The following HACL1 variants were observed in gnomAD, a reference collection of about 807,000 sequenced individuals.
The protein encoded by HACL1 is 1600020H07Rik.
A neutral mutation model predicts 74.2 loss-of-function variants in HACL1; 64 were observed. The observed-to-expected ratio is 0.86, with a 90% CI of 0.70 to 1.06. The LOEUF (loss-of-function observed/expected upper bound fraction) is 1.06. HACL1 is among the 50% of genes least tolerant of loss of function. HACL1 has a pLI of 0.00. For synonymous variants in HACL1, 230 were observed against 238.8 expected, an observed-to-expected ratio of 0.96 and a Z score of 0.34; for missense variants, 728 against 719.7, an observed-to-expected ratio of 1.01 and a Z score of -0.13.
At chr3:15,587,927 CTT>C (rs911694911) in intron 5 of HACL1, among the ~76,000 whole-genome samples, 3 of 152,264 alleles carry the variant, frequency 2.0e-5, no homozygotes, top group African/African-American at 7.2e-5. Context: ...GAGTTTCACT[CTT>C]GTCACCCAGA....
intron 16 of HACL1, 74 bp downstream of exon 16, chr3:15,563,282 GTT>G: frequency 1.0e-6 from 1 of 968,974 alleles, no homozygotes; most frequent in South Asian, 1.5e-5. Flanking sequence ...AGGGTGTTCT[GTT>G]TGGTAGATAC....
chr3:15,562,965 C>G (rs1197719183), intron 16 of HACL1, among the ~76,000 whole-genome samples: 1 of 145,210 alleles, frequency 6.9e-6, no homozygotes, highest in Non-Finnish European at 1.5e-5. Flanking sequence ...TAAGAATCAC[C>G]TCCTCTGAGA....
intron 4 of HACL1, among the ~76,000 whole-genome samples, chr3:15,591,368 T>C (rs1402357402): frequency 6.6e-6 from 1 of 152,130 alleles, no homozygotes; most frequent in African/African-American, 2.4e-5. Context: ...GTACATTAGA[T>C]CTCCAGGCTT....
chr3:15,589,816 C>T (rs1009221555), intron 4 of HACL1, among the ~76,000 whole-genome samples: 5 of 152,138 alleles, frequency 3.3e-5, no homozygotes, highest in Admixed American at 1.3e-4. Context: ...GGGTGGATCA[C>T]TTGAAATCAG....
Position 15,596,465 on chromosome 3 carries a change from C to T in HACL1, c.187-41G>A, listed in dbSNP as rs781240581. 1.3e-5 allele frequency: 17 copies of T among 1,287,930 alleles called. 1 individual carries two copies. The South Asian group carries it at 2.0e-4, about 15-fold the overall frequency. 79.8% of individuals were successfully genotyped at this position (1,287,930 alleles called of 1,614,324 possible). A position where few individuals can be genotyped will look rare whatever the true frequency, so the allele number is the denominator to read the frequency against. On this transcript the variant is annotated intron_variant, in intron 2 of 16. Coordinates refer to ENST00000321169, the MANE Select transcript of HACL1 (RefSeq NM_012260.4). ...ACTGGGACTTGAGCATATTGGGATC[C>T]TTATAGTACATTTATGACAGCAACT...
chr3:15,567,992 C>A lies in HACL1; in HGVS notation c.1261G>T (p.Gly421Cys). 6.2e-7 allele frequency: 1 copy of A among 1,614,126 alleles called. No homozygotes were observed. The highest frequency in any genetic ancestry group is 8.5e-7 in the Non-Finnish European group (1 of 1,179,962). Reference protein sequence around the residue: ...NYLPRHRLDAGTFGTMGVGLG... With the variant: ...NYLPRHRLDACTFGTMGVGLG... Reference sequence around the variant, plus strand: ...CCAACTCCCATTGTTCCGAAAGTACCAGCATCAAGCCTGTTGGAGAACAAA... The same window carrying A: ...CCAACTCCCATTGTTCCGAAAGTACAAGCATCAAGCCTGTTGGAGAACAAA... Residue 421 changes from glycine (G) to cysteine (C), a missense_variant, in exon 14 of 17, where the codon GGT becomes TGT. Coordinates refer to ENST00000321169, the MANE Select transcript of HACL1 (RefSeq NM_012260.4).
At chr3:15,600,845 ATACG>A in intron 2 of HACL1, 1 of 581,632 alleles carries the variant, frequency 1.7e-6, no homozygotes, top group Admixed American at 2.9e-5. Context: ...CAGACCCAGA[ATACG>A]TGGGTTCAAA....
intron 9 of HACL1, among the ~76,000 whole-genome samples, chr3:15,577,854 T>C (rs1401696922): frequency 6.6e-6 from 1 of 151,146 alleles, no homozygotes; most frequent in African/African-American, 2.4e-5. Context: ...ATCCCAGCAC[T>C]TTGGGAGGCT....
chr3:15,572,716 A>G (rs559498917), intron 11 of HACL1, among the ~76,000 whole-genome samples: 1 of 152,352 alleles, frequency 6.6e-6, no homozygotes, highest in African/African-American at 2.4e-5. Flanking sequence ...AATAATAACA[A>G]CCTGTGGAAA....
At position 15,589,388 on chromosome 3, in the gene HACL1, T is replaced by G. The variant is rs143354614; in HGVS notation, c.381+152A>C. The stretch of plus-strand genomic sequence containing the variant: ...GGTGTGAACCTGTAGTCCCAGCTGC[T>G]TGGGAGGCTGAGGTGGGAAGATTGC... On this transcript the variant is annotated intron_variant, in intron 5 of 16. Coordinates refer to ENST00000321169, the MANE Select transcript of HACL1 (RefSeq NM_012260.4). 1.3e-3 allele frequency: 688 copies of G among 529,840 alleles called. 5 individuals are homozygous for G. Among genetic ancestry groups the G allele is most frequent in the African/African-American group, 0.011 (593 of 51,860 alleles). 32.8% of individuals were successfully genotyped at this position (529,840 alleles called of 1,614,324 possible).
intron 6 of HACL1, among the ~76,000 whole-genome samples, chr3:15,585,924 G>C (rs2063786968): frequency 2.0e-5 from 3 of 152,118 alleles, no homozygotes; most frequent in Non-Finnish European, 4.4e-5. Flanking sequence ...TCAAAATGCA[G>C]GTGTCTAAAC....
rs767154469 is a variant in HACL1 at position 15,601,236 on chromosome 3, C to T, written c.82-42G>A. 3.2e-6 allele frequency: 5 copies of T among 1,547,606 alleles called. No homozygotes were observed. The East Asian group carries it at 1.1e-4, about 35-fold the overall frequency. ...AGGGGAGTAAACTCCCAAGGCCCCA[C>T]CATATCGCCACATCCTTCCCTCCCT... On this transcript the variant is annotated intron_variant, in intron 1 of 16. Coordinates refer to ENST00000321169, the MANE Select transcript of HACL1 (RefSeq NM_012260.4).
At position 15,571,785 on chromosome 3, in the gene HACL1, ACACACAC is replaced by A; in HGVS notation, c.994-23_994-17del. Reference sequence around the variant, plus strand: ...CCTCTAAAAGCTTAAAAAAAAAAAAACACACACACACAAACACATAAACTTTTTCTTT... The same window carrying A: ...CCTCTAAAAGCTTAAAAAAAAAAAAAACACAAACACATAAACTTTTTCTTT... On this transcript the variant is annotated splice_polypyrimidine_tract_variant and intron_variant, in intron 11 of 16. Transcript: ENST00000321169. The A allele has an allele frequency of 2.4e-6, 2 of 843,602 alleles. No homozygotes were observed. The highest frequency in any genetic ancestry group is 3.8e-6 in the Non-Finnish European group (2 of 530,252). 52.3% of individuals were successfully genotyped at this position (843,602 alleles called of 1,614,324 possible). A position where few individuals can be genotyped will look rare whatever the true frequency, so the allele number is the denominator to read the frequency against.
At chr3:15,585,150 ATT>A (rs2063772140) in intron 7 of HACL1, 96 bp downstream of exon 7, 1 of 634,138 alleles carries the variant, frequency 1.6e-6, no homozygotes, top group Non-Finnish European at 2.8e-6. Context: ...ACAAATGGAA[ATT>A]AACTTATAAA....
intron 10 of HACL1, among the ~76,000 whole-genome samples, chr3:15,574,324 T>C (rs2063586426): frequency 6.6e-6 from 1 of 152,204 alleles, no homozygotes; most frequent in Non-Finnish European, 1.5e-5. Flanking sequence ...GCCATTATCG[T>C]GCCACTGCAC....
intron 7 of HACL1, among the ~76,000 whole-genome samples, chr3:15,583,895 G>A (rs2063751454): frequency 6.6e-6 from 1 of 152,012 alleles, no homozygotes; most frequent in African/African-American, 2.4e-5. Context: ...TACCTCAGGT[G>A]ATCCACCCAC....
chr3:15,586,576 C>A lies in HACL1; in HGVS notation c.408G>T (p.Lys136Asn). 1 of 1,598,642 alleles carries A rather than the reference C, an allele frequency of 6.3e-7. No homozygotes were observed. Among genetic ancestry groups the A allele is most frequent in the Non-Finnish European group, 8.6e-7 (1 of 1,167,372 alleles). Residue 136 changes from lysine (K) to asparagine (N), a missense_variant, in exon 6 of 17, where the codon AAG becomes AAT. By Grantham distance (94) the Lys-to-Asn change is moderately conservative (BLOSUM62 0). Transcript: ENST00000321169. ...CTATGCTGCTTGGGCGGGCAGAGAA[C>A]TTGGTATATAATCTACAAGCTTCAA... is the stretch of plus-strand genomic sequence containing the variant. Reference protein sequence around the residue: ...PQVEACRLYTKFSARPSSIEA... With the variant: ...PQVEACRLYTNFSARPSSIEA...
chr3:15,575,305 A>C (rs2063604809), intron 9 of HACL1, among the ~76,000 whole-genome samples: 1 of 152,180 alleles, frequency 6.6e-6, no homozygotes, highest in Non-Finnish European at 1.5e-5. Flanking sequence ...CATTACCATA[A>C]GCTGTATCTA....
intron 13 of HACL1, 151 bp downstream of exon 13, chr3:15,568,281 C>T: frequency 1.6e-6 from 1 of 620,472 alleles, no homozygotes; most frequent in Non-Finnish European, 2.8e-6. Flanking sequence ...AAAAACTCTA[C>T]AAAACCTCAC....
Sources: gnomAD v4.1 joint callset for allele counts (sites outside exome capture counted in the v4.1 genomes callset) on GRCh38, gnomAD v4.1.1 for gene constraint, MANE v1.5 for transcripts, NCBI Gene and HGNC (gene_info 2026-07-23, HGNC 2026-07-21) for gene names.